ARNT2: variants seen among roughly 807,000 people sequenced by gnomAD.
ARNT2 encodes the protein aryl hydrocarbon receptor nuclear translocator 2.
Under a neutral mutation model 91.7 loss-of-function variants are expected in ARNT2, and 36 were observed. The ratio of observed to expected loss-of-function variants is 0.39; its 90% confidence interval spans 0.30 to 0.52. The LOEUF (loss-of-function observed/expected upper bound fraction) is 0.52. Ranked by LOEUF, ARNT2 falls within the 20% of genes least tolerant of loss-of-function variation. ARNT2 has a pLI of 0.72. For synonymous variants in ARNT2, 365 were observed against 347.1 expected, an observed-to-expected ratio of 1.05 and a Z score of -0.57; for missense variants, 775 against 939.3, an observed-to-expected ratio of 0.83 and a Z score of 2.29.
At chr15:80,416,563 A>C (rs1895788153) in intron 1 of ARNT2, among the ~76,000 whole-genome samples, 1 of 152,202 alleles carries the variant, frequency 6.6e-6, no homozygotes, top group Non-Finnish European at 1.5e-5. Flanking sequence ...CTAGGATTAT[A>C]AGTTACATTA....
intron 1 of ARNT2, among the ~76,000 whole-genome samples, chr15:80,410,212 G>A (rs1439062028): frequency 6.6e-6 from 1 of 152,138 alleles, no homozygotes; most frequent in Non-Finnish European, 1.5e-5. Flanking sequence ...TTATACTGGG[G>A]GCAGGGATGC....
At chr15:80,427,064 C>T (rs570665082) in intron 1 of ARNT2, among the ~76,000 whole-genome samples, 1 of 152,286 alleles carries the variant, frequency 6.6e-6, no homozygotes, top group South Asian at 2.1e-4. Context: ...AGGACTTCAA[C>T]ATATGAATTT....
At chr15:80,548,791 G>A (rs1481513966) in intron 8 of ARNT2, among the ~76,000 whole-genome samples, 2 of 152,106 alleles carry the variant, frequency 1.3e-5, no homozygotes, top group Non-Finnish European at 2.9e-5. Context: ...TTGTTCTTGG[G>A]AGGATAACTC....
At chr15:80,441,335 T>G in intron 1 of ARNT2, 1 of 985,360 alleles carries the variant, frequency 1.0e-6, no homozygotes, top group Non-Finnish European at 1.2e-6. Context: ...TAAGAAGGTG[T>G]TGGTCACAAG....
chr15:80,440,299 G>A (rs554136626), intron 1 of ARNT2, among the ~76,000 whole-genome samples: 1 of 152,172 alleles, frequency 6.6e-6, no homozygotes, highest in African/African-American at 2.4e-5. Context: ...AGTGGGGCAG[G>A]TTGAATGGGT....
intron 11 of ARNT2, 151 bp from the exon 12 acceptor site, chr15:80,562,937 G>T: frequency 2.4e-6 from 2 of 823,932 alleles, no homozygotes; most frequent in Non-Finnish European, 4.0e-6. Flanking sequence ...TTGCAAAACT[G>T]CTCTCCCTCT....
At chr15:80,582,988 T>C (rs1417921200) in intron 17 of ARNT2, among the ~76,000 whole-genome samples, 1 of 152,160 alleles carries the variant, frequency 6.6e-6, no homozygotes, top group Non-Finnish European at 1.5e-5. Flanking sequence ...TACCTAGTCC[T>C]TCCCGGAAGC....
At chr15:80,431,765 A>C (rs570864639) in intron 1 of ARNT2, among the ~76,000 whole-genome samples, 130 of 152,254 alleles carry the variant, frequency 8.5e-4, no homozygotes, top group African/African-American at 2.9e-3. Flanking sequence ...ACACTGGCCT[A>C]CCAGCTCTCT....
intron 8 of ARNT2, among the ~76,000 whole-genome samples, chr15:80,527,527 G>C (rs1442663095): frequency 1.3e-5 from 2 of 151,602 alleles, no homozygotes; most frequent in Non-Finnish European, 2.9e-5. Flanking sequence ...GAAATAGTGT[G>C]GACAAGGACA....
intron 12 of ARNT2, among the ~76,000 whole-genome samples, chr15:80,568,434 G>A (rs911825275): frequency 2.0e-5 from 3 of 152,144 alleles, no homozygotes; most frequent in Non-Finnish European, 2.9e-5. Context: ...GGTCGTGCTC[G>A]TGTATGTGTG....
At chr15:80,517,706 A>G (rs1897463120) in intron 8 of ARNT2, among the ~76,000 whole-genome samples, 1 of 149,876 alleles carries the variant, frequency 6.7e-6, no homozygotes, top group Non-Finnish European at 1.5e-5. Flanking sequence ...CTTCAAGTTC[A>G]CTGATACTTT....
intron 2 of ARNT2, among the ~76,000 whole-genome samples, chr15:80,456,130 T>A (rs754668415): frequency 1.3e-5 from 2 of 152,144 alleles, no homozygotes; most frequent in African/African-American, 2.4e-5. Flanking sequence ...ATAGCTTTGA[T>A]TCGTTTAGAA....
At chr15:80,569,024 T>C (rs7403706) in intron 12 of ARNT2, among the ~76,000 whole-genome samples, 49,144 of 152,096 alleles carry the variant, frequency 0.32, 11,236 homozygotes, top group African/African-American at 0.65. Flanking sequence ...CTGTAACAAG[T>C]ATTTCGAGTC....
intron 1 of ARNT2, among the ~76,000 whole-genome samples, chr15:80,449,746 A>G (rs16972140): frequency 0.013 from 1,978 of 152,348 alleles, 85 homozygotes; most frequent in East Asian, 0.11. Flanking sequence ...CTGTGGGTCA[A>G]CTGTCACAGG....
intron 1 of ARNT2, among the ~76,000 whole-genome samples, chr15:80,412,439 C>A (rs1459487356): frequency 6.6e-6 from 1 of 152,190 alleles, no homozygotes; most frequent in Non-Finnish European, 1.5e-5. Context: ...TAAGATAATT[C>A]TGCCACCCAT....
chr15:80,503,675 T>C (rs929460602), intron 5 of ARNT2, among the ~76,000 whole-genome samples: 3 of 152,198 alleles, frequency 2.0e-5, no homozygotes, highest in African/African-American at 7.2e-5. Flanking sequence ...AGATGCCGTC[T>C]GTGAAGGAGA....
intron 1 of ARNT2, chr15:80,445,221 G>C (rs116625660): frequency 2.0e-5 from 3 of 149,136 alleles, no homozygotes; most frequent in African/African-American, 7.5e-5. Context: ...TGTGTGTTGA[G>C]AGTGGTGTGG....
chr15:80,516,537 C>T (rs1238980919), intron 8 of ARNT2, among the ~76,000 whole-genome samples: 1 of 152,012 alleles, frequency 6.6e-6, no homozygotes, highest in African/African-American at 2.4e-5. Flanking sequence ...TATCCTTTTA[C>T]TTACAACTTA....
chr15:80,556,887 A>T (rs912858264), intron 11 of ARNT2: 1 of 152,124 alleles, frequency 6.6e-6, no homozygotes, highest in East Asian at 1.9e-4. Context: ...GGTGAGAGAG[A>T]GAACACACCT....
Sources: allele counts gnomAD v4.1 joint callset (sites outside exome capture counted in the v4.1 genomes callset), GRCh38; gene constraint gnomAD v4.1.1; transcripts MANE v1.5; gene names NCBI Gene and HGNC (gene_info 2026-07-23, HGNC 2026-07-21).